CCDC197: variants seen among roughly 807,000 people sequenced by gnomAD.
The protein encoded by CCDC197 is uncharacterized protein CCDC197.
In CCDC197, 24 loss-of-function variants were observed where a neutral mutation model predicts 13.4. That is an observed-to-expected ratio of 1.80 (90% CI 1.30 to 2.53). The LOEUF (loss-of-function observed/expected upper bound fraction) is 2.53, where lower values mean the gene tolerates loss of function less well. Among genes scored for constraint, CCDC197 ranks in the 30% most tolerant of loss-of-function variants. The pLI is 0.00. For missense variants in CCDC197, 255 were observed against 148.8 expected, an observed-to-expected ratio of 1.71 and a Z score of -3.71; for synonymous variants, 99 against 55.5, an observed-to-expected ratio of 1.78 and a Z score of -3.48.
chr14:94,011,474 G>A (rs8010901), downstream of CCDC197, among the ~76,000 whole-genome samples: 17,312 of 152,292 alleles, frequency 0.11, 1,086 homozygotes, highest in Middle Eastern at 0.2. Context: ...GGCTGGGGCC[G>A]TGAATTGGAC....
chr14:94,008,967 G>T, downstream of CCDC197: 1 of 566,440 alleles, frequency 1.8e-6, no homozygotes, highest in Non-Finnish European at 3.2e-6. Flanking sequence ...TGGGGGTGCT[G>T]CTCCCCATCC....
chr14:93,994,081 G>A (rs1354328761), upstream of CCDC197, among the ~76,000 whole-genome samples: 1 of 152,154 alleles, frequency 6.6e-6, no homozygotes, highest in East Asian at 1.9e-4. Context: ...GGTGAAGAGG[G>A]GTCTGAGGCA....
downstream of CCDC197, among the ~76,000 whole-genome samples, chr14:94,009,385 A>T (rs1301399459): frequency 1.3e-5 from 2 of 151,980 alleles, no homozygotes; most frequent in Non-Finnish European, 2.9e-5. Flanking sequence ...TCTCAGGGAG[A>T]CCTTGGCAAG....
intron 6 of CCDC197, among the ~76,000 whole-genome samples, chr14:94,006,213 C>A (rs952655808): frequency 6.6e-6 from 1 of 152,170 alleles, no homozygotes; most frequent in African/African-American, 2.4e-5. Flanking sequence ...TGTGAAGTGG[C>A]ATCTCATTGT....
rs950242648 is a variant in CCDC197, at chr14:94,003,449, G to A, written c.498+95G>A. The A allele has an allele frequency of 1.7e-5, 11 of 643,494 alleles. No individual in the cohort carries two copies. Among genetic ancestry groups the A allele is most frequent in the African/African-American group, 8.9e-5 (5 of 55,896 alleles). The allele number at this position is 643,494 out of a possible 1,614,324, so 39.9% of individuals were successfully genotyped here. ...AATCCCAAAACACACAGACACATAC[G>A]CACGCAGACACACACACACAGAGCC... On this transcript the variant is annotated intron_variant, in intron 5 of 6. Transcript: ENST00000636493. The surrounding 1 kb of genome is among the most constrained non-coding windows in gnomAD (Gnocchi z 5.0).
upstream of CCDC197, among the ~76,000 whole-genome samples, chr14:93,995,506 T>TC (rs1890266027): frequency 6.6e-6 from 1 of 152,158 alleles, no homozygotes. Flanking sequence ...ACCTGTGGGT[T>TC]CTGTTGCTCA....
At chr14:93,998,364 T>G (rs1890386679) in intron 2 of CCDC197, 129 bp downstream of exon 2, 7 of 661,778 alleles carry the variant, frequency 1.1e-5, no homozygotes, top group Non-Finnish European at 1.9e-5. Context: ...CAGTGTGGCT[T>G]GGAAGCAAAT....
At chr14:94,006,342 A>T (rs994924956) in intron 6 of CCDC197, among the ~76,000 whole-genome samples, 3 of 148,730 alleles carry the variant, frequency 2.0e-5, no homozygotes, top group African/African-American at 7.5e-5. Flanking sequence ...CCATTAAAAA[A>T]TTTGATTATT....
At chr14:94,005,764 G>A (rs114245981) in intron 6 of CCDC197, among the ~76,000 whole-genome samples, 3,151 of 152,160 alleles carry the variant, frequency 0.021, 101 homozygotes, top group African/African-American at 0.069. Flanking sequence ...TTCATTTAGC[G>A]TCTGGCTGCT....
downstream of CCDC197, among the ~76,000 whole-genome samples, chr14:94,011,215 C>G (rs542191967): frequency 6.6e-6 from 1 of 152,310 alleles, no homozygotes; most frequent in African/African-American, 2.4e-5. Context: ...GGAGAGAGCA[C>G]CACCTTCTAC....
intron 2 of CCDC197, 180 bp from the exon 3 acceptor site, chr14:93,999,403 G>T: frequency 7.2e-5 from 41 of 566,234 alleles, no homozygotes; most frequent in East Asian, 9.2e-5. Context: ...GGCTCAGTTT[G>T]CTCAGCAGTG....
rs1890484865 is a variant in CCDC197 at position 94,001,133 on chromosome 14, C to T, written c.188-12C>T. ...GGCACCCACCCATCCCGCCATGGCG[C>T]TGTCTCCGTAGGCTGCACGGGATGG... On this transcript the variant is annotated splice_polypyrimidine_tract_variant and intron_variant, in intron 3 of 6. Coordinates refer to ENST00000636493, the MANE Select transcript of CCDC197 (RefSeq NM_001351596.2). 5.2e-6 allele frequency: 4 copies of T among 766,772 alleles called. No individual in the cohort carries two copies. In the East Asian group the frequency reaches 9.9e-5, roughly 19 times the overall value. 47.5% of individuals were successfully genotyped at this position (766,772 alleles called of 1,614,324 possible).
In CCDC197 at chr14:94,003,064, C is replaced by T. The variant is rs60825647; in HGVS notation, c.367-159C>T. Among the ~76,000 whole-genome samples the T allele has an allele frequency of 0.019, 2,927 of 152,100 alleles. 109 individuals carry two copies. Among genetic ancestry groups the T allele is most frequent in the African/African-American group, 0.066 (2,736 of 41,454 alleles). ...CAGGTAAACTCCATCAGCCTGGACA[C>T]GCCCTTTTCTGCATCTCTGGTGCCT... On this transcript the variant is annotated intron_variant, in intron 4 of 6. Transcript: ENST00000636493. This position sits in a 1 kb window ranked among gnomAD's most constrained non-coding sequence, Gnocchi z 5.0.
At position 94,003,269 on chromosome 14, in the gene CCDC197, A is replaced by G. The variant is rs1342789858; in HGVS notation, c.413A>G (p.Lys138Arg). The change falls in exon 5 of 7, where the codon AAG becomes AGG. Residue 138 changes from lysine to arginine, a missense_variant. Physicochemically the swap from Lys to Arg is conservative, Grantham distance 26. Coordinates refer to ENST00000636493, the MANE Select transcript of CCDC197 (RefSeq NM_001351596.2). This position sits in a 1 kb window ranked among gnomAD's most constrained non-coding sequence, Gnocchi z 5.0. ...LCQLQKKCYR[K>R]QEQWWQLKHS... ...CAGCTGCAGAAGAAGTGCTACCGCA[A>G]GCAGGAGCAGTGGTGGCAGCTGAAG... 1 of 781,000 alleles carries G rather than the reference A, an allele frequency of 1.3e-6. No homozygotes were observed. The highest frequency in any genetic ancestry group is 1.3e-5 in the South Asian group (1 of 74,622). The allele number at this position is 781,000 out of a possible 1,614,324, so 48.4% of individuals were successfully genotyped here.
At chr14:93,994,756 G>T (rs1890254468), upstream of CCDC197, among the ~76,000 whole-genome samples, 1 of 152,178 alleles carries the variant, frequency 6.6e-6, no homozygotes, top group Non-Finnish European at 1.5e-5. Context: ...AGCGTGGGAA[G>T]GGACGAGGGT....
intron 5 of CCDC197, among the ~76,000 whole-genome samples, chr14:94,004,228 A>G (rs940656030): frequency 6.6e-6 from 1 of 152,182 alleles, no homozygotes; most frequent in African/African-American, 2.4e-5. Flanking sequence ...CGGAGGCAAC[A>G]GTCTATGTTC....
intron 4 of CCDC197, among the ~76,000 whole-genome samples, chr14:94,002,867 ACAAAAT>A (rs1475956713): frequency 8.0e-5 from 12 of 150,396 alleles, no homozygotes; most frequent in African/African-American, 3.0e-4. Flanking sequence ...AAAAAAAAAA[ACAAAAT>A]TATAAAGAAA....
intron 1 of CCDC197, among the ~76,000 whole-genome samples, chr14:93,991,732 C>A (rs1478849605): frequency 6.6e-6 from 1 of 152,146 alleles, no homozygotes. Flanking sequence ...CTGAGATGGT[C>A]AGGGAAGGCC....
intron 3 of CCDC197, chr14:94,000,876 G>A (rs1239792796): frequency 5.9e-6 from 2 of 336,338 alleles, no homozygotes; most frequent in Admixed American, 4.9e-5. Flanking sequence ...CTCCCGCCTC[G>A]CTCGGTGGTC....
Sources: gnomAD v4.1 joint callset for allele counts (sites outside exome capture counted in the v4.1 genomes callset) on GRCh38, gnomAD v4.1.1 for gene constraint, Gnocchi (gnomAD v3.1) non-coding constraint, MANE v1.5 for transcripts, NCBI Gene and HGNC (gene_info 2026-07-23, HGNC 2026-07-21) for gene names.